MTDH: variants seen among roughly 807,000 people sequenced by gnomAD.
MTDH encodes the protein protein LYRIC.
In MTDH, 34 loss-of-function variants were observed where a neutral mutation model predicts 72.7. The observed-to-expected ratio is 0.47, with a 90% CI of 0.36 to 0.62. MTDH has a LOEUF of 0.62. MTDH is among the 20% of genes least tolerant of loss of function. The probability of loss-of-function intolerance (pLI) is 0.00; values close to 1 mark genes in which losing one functional copy is unlikely to be tolerated. For missense variants in MTDH, 677 were observed against 699.4 expected (o/e 0.97, Z 0.36); for synonymous variants, 266 against 268.9 (o/e 0.99, Z 0.10).
chr8:97,702,945 C>G (rs1814194690), intron 7 of MTDH, among the ~76,000 whole-genome samples: 1 of 152,220 alleles, frequency 6.6e-6, no homozygotes, highest in Admixed American at 6.5e-5. Context: ...TTTGAAAAGA[C>G]ATTGGCAGAC....
intron 6 of MTDH, among the ~76,000 whole-genome samples, chr8:97,694,217 G>A (rs2438198): frequency 0.095 from 14,030 of 147,932 alleles, 900 homozygotes; most frequent in East Asian, 0.25. Context: ...TTTTTTTTGA[G>A]ATGGAGTTTT....
intron 2 of MTDH, among the ~76,000 whole-genome samples, chr8:97,684,822 C>T (rs1277389812): frequency 6.6e-6 from 1 of 152,218 alleles, no homozygotes; most frequent in Non-Finnish European, 1.5e-5. Flanking sequence ...ATAATCCCAA[C>T]ACTTTGGGAG....
At chr8:97,673,748 G>T (rs1812729876) in intron 2 of MTDH, among the ~76,000 whole-genome samples, 1 of 151,918 alleles carries the variant, frequency 6.6e-6, no homozygotes, top group Non-Finnish European at 1.5e-5. Flanking sequence ...GCCAAGGCGG[G>T]CAGATAGCTT....
chr8:97,680,006 T>C (rs1175751161), intron 2 of MTDH, among the ~76,000 whole-genome samples: 4 of 152,312 alleles, frequency 2.6e-5, no homozygotes, highest in Admixed American at 2.6e-4. Context: ...TATATATCTT[T>C]GGCAGTTTTA....
intron 1 of MTDH, among the ~76,000 whole-genome samples, chr8:97,656,155 T>C (rs1432247282): frequency 1.3e-5 from 2 of 152,144 alleles, no homozygotes; most frequent in African/African-American, 4.8e-5. Flanking sequence ...TTTACGTAAC[T>C]AAGTGAAAGT....
At chr8:97,651,242 A>G (rs537164507) in intron 1 of MTDH, among the ~76,000 whole-genome samples, 1 of 152,202 alleles carries the variant, frequency 6.6e-6, no homozygotes, top group Non-Finnish European at 1.5e-5. Flanking sequence ...GTTTAAAGAC[A>G]TTTAATTTAA....
chr8:97,649,580 T>G (rs1441843420), intron 1 of MTDH, among the ~76,000 whole-genome samples: 1 of 152,178 alleles, frequency 6.6e-6, no homozygotes, highest in Non-Finnish European at 1.5e-5. Context: ...TTTCTGTGTC[T>G]CTTTATTTAT....
chr8:97,707,449 CTTTTTTTTTTTTTT>C (rs35528230), intron 8 of MTDH, among the ~76,000 whole-genome samples: 1 of 80,206 alleles, frequency 1.2e-5, no homozygotes, highest in Non-Finnish European at 2.1e-5. Flanking sequence ...CATGCCTGGC[CTTTTTTTTTTTTTT>C]TTTTTTTTTT....
At chr8:97,708,619 TGA>T (rs1814480710) in intron 8 of MTDH, among the ~76,000 whole-genome samples, 1 of 86,984 alleles carries the variant, frequency 1.1e-5, no homozygotes, top group Non-Finnish European at 2.0e-5. Context: ...TTTTTTTTTT[TGA>T]GATGGAGTTT....
intron 1 of MTDH, among the ~76,000 whole-genome samples, chr8:97,657,514 CTT>C (rs1812025238): frequency 6.7e-6 from 1 of 149,320 alleles, no homozygotes; most frequent in Non-Finnish European, 1.5e-5. Context: ...ATTTTTTTTT[CTT>C]TTCTTGAGAC....
chr8:97,712,925 T>C (rs1356895746), intron 8 of MTDH, among the ~76,000 whole-genome samples: 1 of 152,232 alleles, frequency 6.6e-6, no homozygotes, highest in African/African-American at 2.4e-5. Flanking sequence ...ACTAGTTCCA[T>C]GGATGGAACC....
chr8:97,675,620 C>T (rs1205618467), intron 2 of MTDH, among the ~76,000 whole-genome samples: 1 of 150,950 alleles, frequency 6.6e-6, no homozygotes, highest in Non-Finnish European at 1.5e-5. Flanking sequence ...TACCTGTAAT[C>T]CCAGCACTTG....
intron 10 of MTDH, among the ~76,000 whole-genome samples, chr8:97,720,380 C>T (rs929253624): frequency 6.6e-6 from 1 of 151,964 alleles, no homozygotes; most frequent in Admixed American, 6.6e-5. Flanking sequence ...AGTTTGAGAC[C>T]AGCCTGGGCA....
In MTDH at chr8:97,710,346, G is replaced by A. The variant is rs548894417; in HGVS notation, c.1273-3316G>A. ...TGTCATTTGTGAGAATAAACAAAAA[G>A]CATTTTTCCATAGAAAGTTAAACTA... On this transcript the variant is annotated intron_variant, in intron 8 of 11. Coordinates refer to ENST00000336273, the MANE Select transcript of MTDH (RefSeq NM_178812.4). Among the ~76,000 whole-genome samples the A allele has an allele frequency of 2.6e-5, 4 of 152,232 alleles. No individual in the cohort carries two copies. The South Asian group carries it at 8.3e-4, about 32-fold the overall frequency.
intron 2 of MTDH, among the ~76,000 whole-genome samples, chr8:97,676,426 C>T (rs2130970634): frequency 6.6e-6 from 1 of 152,234 alleles, no homozygotes; most frequent in South Asian, 2.1e-4. Flanking sequence ...ATGAATTGTA[C>T]ACTATGCCTT....
intron 1 of MTDH, among the ~76,000 whole-genome samples, chr8:97,655,191 C>T (rs919284095): frequency 5.3e-5 from 8 of 152,192 alleles, no homozygotes; most frequent in African/African-American, 1.9e-4. Flanking sequence ...CTTTCAAAAC[C>T]TGTACTCTTG....
chr8:97,688,394 A>C (rs1018079897), intron 4 of MTDH, among the ~76,000 whole-genome samples: 1 of 152,176 alleles, frequency 6.6e-6, no homozygotes, highest in Admixed American at 6.5e-5. Flanking sequence ...TGGTACAGCA[A>C]TGACTTCTAC....
At chr8:97,693,700 A>G (rs1016173609) in intron 6 of MTDH, among the ~76,000 whole-genome samples, 1 of 151,234 alleles carries the variant, frequency 6.6e-6, no homozygotes, top group African/African-American at 2.4e-5. Flanking sequence ...TGAGCTCTTC[A>G]TGTTTTTTTG....
At chr8:97,705,095 G>A (rs1172772352) in intron 7 of MTDH, among the ~76,000 whole-genome samples, 1 of 152,034 alleles carries the variant, frequency 6.6e-6, no homozygotes, top group Non-Finnish European at 1.5e-5. Flanking sequence ...TCAGGAGTTC[G>A]AGACCAGCCT....
Sources: allele counts gnomAD v4.1 joint callset (sites outside exome capture counted in the v4.1 genomes callset), GRCh38; gene constraint gnomAD v4.1.1; transcripts MANE v1.5; gene names NCBI Gene and HGNC (gene_info 2026-07-23, HGNC 2026-07-21).